The following FBXL7 variants were observed in gnomAD, a reference collection of about 807,000 sequenced individuals.
The protein encoded by FBXL7 is F-box/LRR-repeat protein 7.
FBXL7 carries 12 observed loss-of-function variants against 38.3 expected under a neutral mutation model. The observed-to-expected ratio is 0.31, with a 90% CI of 0.20 to 0.51. FBXL7 has a LOEUF of 0.51. Ranked by LOEUF, FBXL7 falls within the 20% of genes least tolerant of loss-of-function variation. The pLI is 0.98. For missense variants in FBXL7, 567 were observed against 676.4 expected, an observed-to-expected ratio of 0.84 and a Z score of 1.79; for synonymous variants, 297 against 300.9, an observed-to-expected ratio of 0.99 and a Z score of 0.13.
At chr5:15,704,516 C>T (rs1459046827) in intron 2 of FBXL7, among the ~76,000 whole-genome samples, 1 of 152,146 alleles carries the variant, frequency 6.6e-6, no homozygotes, top group African/African-American at 2.4e-5. Context: ...TACAGAAAAG[C>T]ACTATGATGC....
intron 2 of FBXL7, among the ~76,000 whole-genome samples, chr5:15,888,405 T>G (rs1740768602): frequency 6.6e-6 from 1 of 151,920 alleles, no homozygotes; most frequent in Non-Finnish European, 1.5e-5. Flanking sequence ...TTTTTGTATT[T>G]TTTAGTAGAA....
chr5:15,736,647 G>T (rs1287331907), intron 2 of FBXL7, among the ~76,000 whole-genome samples: 2 of 152,088 alleles, frequency 1.3e-5, no homozygotes, highest in African/African-American at 2.4e-5. Context: ...CTGATTTTAA[G>T]AAAATTTATA....
chr5:15,786,737 T>C (rs985423410), intron 2 of FBXL7, among the ~76,000 whole-genome samples: 13 of 152,216 alleles, frequency 8.5e-5, no homozygotes, highest in Non-Finnish European at 1.6e-4. Flanking sequence ...TTAGTATGTA[T>C]AATACGTAAT....
intron 2 of FBXL7, among the ~76,000 whole-genome samples, chr5:15,904,925 G>A (rs1002137753): frequency 2.6e-5 from 4 of 152,096 alleles, no homozygotes; most frequent in African/African-American, 4.8e-5. Flanking sequence ...CAACATAAAC[G>A]ATGAGCCAGA....
Position 15,928,479 on chromosome 5 carries a change from TCTGGAGCAC to T in FBXL7, c.723_731del (p.Glu241_Leu243del). 6.2e-7 allele frequency: 1 copy of T among 1,612,496 alleles called. No homozygotes were observed. The highest frequency in any genetic ancestry group is 8.5e-7 in the Non-Finnish European group (1 of 1,178,740). Reference sequence around the variant, plus strand: ...TTGATGTGGTGTCCCTCTGCCCTAATCTGGAGCACCTGGATGTGTCAGGTAAATGGACAC... The same window carrying T: ...TTGATGTGGTGTCCCTCTGCCCTAATCTGGATGTGTCAGGTAAATGGACAC... On this transcript the variant is annotated inframe_deletion, in exon 3 of 4. Coordinates refer to ENST00000504595, the MANE Select transcript of FBXL7 (RefSeq NM_012304.5). The surrounding 1 kb of genome is among the most constrained non-coding windows in gnomAD (Gnocchi z 4.0).
intron 2 of FBXL7, among the ~76,000 whole-genome samples, chr5:15,770,658 T>A (rs982084773): frequency 9.9e-5 from 15 of 152,188 alleles, no homozygotes; most frequent in Non-Finnish European, 2.2e-4. Flanking sequence ...CATTTCCTGT[T>A]GTTTATCCAA....
intron 1 of FBXL7, among the ~76,000 whole-genome samples, chr5:15,512,299 C>T (rs1371632897): frequency 1.3e-5 from 2 of 152,212 alleles, no homozygotes; most frequent in Non-Finnish European, 2.9e-5. Flanking sequence ...ACTTTCCATT[C>T]ACTATCCTCT....
intron 2 of FBXL7, among the ~76,000 whole-genome samples, chr5:15,707,806 G>A (rs1743738579): frequency 6.6e-6 from 1 of 152,080 alleles, no homozygotes; most frequent in Admixed American, 6.6e-5. Context: ...GCAGCATCTG[G>A]GTGTGCTCCA....
intron 2 of FBXL7, among the ~76,000 whole-genome samples, chr5:15,743,625 G>T (rs1166138511): frequency 3.3e-5 from 5 of 152,228 alleles, no homozygotes; most frequent in African/African-American, 1.2e-4. Context: ...CCATTCTGGG[G>T]TCTGGAGGAT....
At chr5:15,563,330 C>T (rs1026071855) in intron 1 of FBXL7, among the ~76,000 whole-genome samples, 3 of 152,116 alleles carry the variant, frequency 2.0e-5, no homozygotes, top group Admixed American at 6.6e-5. Flanking sequence ...TACTTCATCA[C>T]GTTAATTGCG....
intron 2 of FBXL7, among the ~76,000 whole-genome samples, chr5:15,698,810 A>G (rs4702102): frequency 1.3e-5 from 2 of 151,928 alleles, no homozygotes; most frequent in African/African-American, 4.8e-5. Flanking sequence ...AATGACGCTT[A>G]GTTAACTCCG....
intron 2 of FBXL7, among the ~76,000 whole-genome samples, chr5:15,795,418 T>C (rs1466896122): frequency 3.3e-5 from 5 of 152,234 alleles, no homozygotes; most frequent in African/African-American, 1.2e-4. Context: ...TTTAAATGTG[T>C]GTCAATTCTG....
intron 2 of FBXL7, among the ~76,000 whole-genome samples, chr5:15,891,960 C>T (rs1251339097): frequency 6.6e-6 from 1 of 152,158 alleles, no homozygotes; most frequent in Non-Finnish European, 1.5e-5. Flanking sequence ...AGCCACTGCC[C>T]AAAGCACCAG....
chr5:15,615,708 TTA>T (rs1295862700), intron 1 of FBXL7, among the ~76,000 whole-genome samples: 4 of 152,236 alleles, frequency 2.6e-5, no homozygotes, highest in African/African-American at 9.6e-5. Context: ...CAAAAAGAGA[TTA>T]TGTTATCATA....
intron 2 of FBXL7, among the ~76,000 whole-genome samples, chr5:15,767,359 C>T (rs1349823224): frequency 6.6e-6 from 1 of 152,194 alleles, no homozygotes; most frequent in African/African-American, 2.4e-5. Context: ...CACAGCACAT[C>T]ACAGAATCAA....
At chr5:15,627,443 G>A (rs1174119094) in intron 2 of FBXL7, among the ~76,000 whole-genome samples, 1 of 152,130 alleles carries the variant, frequency 6.6e-6, no homozygotes, top group East Asian at 1.9e-4. Context: ...ATCTCACTGG[G>A]TCCATGTAGG....
chr5:15,609,867 C>G (rs554183307), intron 1 of FBXL7, among the ~76,000 whole-genome samples: 18 of 152,136 alleles, frequency 1.2e-4, no homozygotes, highest in Admixed American at 1.0e-3. Flanking sequence ...TAGAGTTGCT[C>G]TCTGTATTAG....
intron 1 of FBXL7, among the ~76,000 whole-genome samples, chr5:15,532,069 T>A (rs1737448117): frequency 6.6e-6 from 1 of 152,272 alleles, no homozygotes; most frequent in Non-Finnish European, 1.5e-5. Context: ...AACACCATGC[T>A]TGGTACACAT....
At chr5:15,564,785 C>T (rs1738517865) in intron 1 of FBXL7, among the ~76,000 whole-genome samples, 2 of 151,962 alleles carry the variant, frequency 1.3e-5, no homozygotes, top group South Asian at 2.1e-4. Context: ...TATGGATATA[C>T]AATTTTGTGC....
Sources: allele counts gnomAD v4.1 joint callset (sites outside exome capture counted in the v4.1 genomes callset), GRCh38; gene constraint gnomAD v4.1.1; non-coding constraint Gnocchi (gnomAD v3.1); transcripts MANE v1.5; gene names NCBI Gene and HGNC (gene_info 2026-07-23, HGNC 2026-07-21).